The following SH3PXD2B variants were observed in gnomAD, a reference collection of about 807,000 sequenced individuals.
SH3PXD2B encodes the protein SH3 and PX domain-containing protein 2B.
A neutral mutation model predicts 73.1 loss-of-function variants in SH3PXD2B; 37 were observed. The observed-to-expected ratio is 0.51, with a 90% confidence interval of 0.39 to 0.67. SH3PXD2B has a LOEUF of 0.67. Among genes scored for constraint, SH3PXD2B ranks in the 30% least tolerant of loss-of-function variants. The pLI is 0.00. For missense variants in SH3PXD2B, 1,053 were observed against 1,197.8 expected (o/e 0.88, Z 1.78); for synonymous variants, 457 against 480.5 (o/e 0.95, Z 0.64).
intron 3 of SH3PXD2B, among the ~76,000 whole-genome samples, chr5:172,403,492 T>C (rs1320427423): frequency 7.7e-6 from 1 of 129,170 alleles, no homozygotes; most frequent in Non-Finnish European, 1.6e-5. Context: ...AGCGGGGTCC[T>C]GGGGTCCAGC....
intron 3 of SH3PXD2B, among the ~76,000 whole-genome samples, chr5:172,405,332 C>T (rs1758527096): frequency 6.6e-6 from 1 of 152,238 alleles, no homozygotes; most frequent in Admixed American, 6.5e-5. Flanking sequence ...GCCTTCCGTT[C>T]ACTTTAGAAG....
downstream of SH3PXD2B, among the ~76,000 whole-genome samples, chr5:172,331,666 A>T (rs1029413311): frequency 6.6e-6 from 1 of 152,022 alleles, no homozygotes; most frequent in African/African-American, 2.4e-5. Flanking sequence ...AAACAGTATG[A>T]CGGGGCTGGG....
chr5:172,369,226 T>A (rs953423775), intron 6 of SH3PXD2B, among the ~76,000 whole-genome samples: 2 of 150,564 alleles, frequency 1.3e-5, no homozygotes, highest in Non-Finnish European at 2.9e-5. Flanking sequence ...TTGTTTTGTT[T>A]TGTTTTGTTT....
chr5:172,362,853 T>G lies in SH3PXD2B; in HGVS notation c.444A>C (p.Ser148=). Residue 148 remains serine, a synonymous_variant, in exon 7 of 13, where the codon TCA becomes TCC. Transcript: ENST00000311601. ...GKKKSGGDQT[S]VDPMVLEQYV... is the part of the protein sequence containing the mutation. ...ACTGCTCCAGGACCATGGGGTCCAC[T>G]GAGGTTTGGTCACCCCCTGTGGATA... The G allele has an allele frequency of 6.2e-7, 1 of 1,614,174 alleles. No homozygotes were observed. Among genetic ancestry groups the G allele is most frequent in the Non-Finnish European group, 8.5e-7 (1 of 1,180,032 alleles).
In SH3PXD2B at chr5:172,414,369, T is replaced by C. The variant is rs1031729553; in HGVS notation, c.157-8017A>G. Among the ~76,000 whole-genome samples, 22 of 144,932 alleles carry C rather than the reference T, an allele frequency of 1.5e-4. No homozygotes were observed. In the East Asian group the frequency reaches 4.1e-3, roughly 27 times the overall value. On this transcript the variant is annotated intron_variant, in intron 2 of 12. Coordinates refer to ENST00000311601, the MANE Select transcript of SH3PXD2B (RefSeq NM_001017995.3). ...CTGTAATCCCAGCTACTCCGGAGGCTGAGGTGGGGGAATCGTTTGAACCCG... is the reference window on the plus strand; with the variant it reads ...CTGTAATCCCAGCTACTCCGGAGGCCGAGGTGGGGGAATCGTTTGAACCCG...
intron 2 of SH3PXD2B, among the ~76,000 whole-genome samples, chr5:172,419,890 T>C (rs1351707511): frequency 6.6e-6 from 1 of 152,238 alleles, no homozygotes; most frequent in Non-Finnish European, 1.5e-5. Flanking sequence ...AGACCCTCAC[T>C]GCACAAAAAG....
intron 1 of SH3PXD2B, among the ~76,000 whole-genome samples, chr5:172,454,036 G>A (rs1222357530): frequency 1.3e-5 from 2 of 149,904 alleles, no homozygotes; most frequent in African/African-American, 4.9e-5. Context: ...GCAGGGAGGC[G>A]AGTAGGGGGG....
chr5:172,338,467 C>A lies in SH3PXD2B; in HGVS notation c.2638G>T (p.Glu880Ter), dbSNP rs773079634. 2 of 1,614,226 alleles carry A rather than the reference C, an allele frequency of 1.2e-6. No individual in the cohort carries two copies. Among genetic ancestry groups the A allele is most frequent in the Non-Finnish European group, 1.7e-6 (2 of 1,180,040 alleles). ...AACCACCAGCCACTGCTGTTCTTCT[C>A]CCGGACTTCAAACACTGTCCCTTCC... ...FQEGTVFEVR[E>*]KNSSGWWFCQ... The change falls in exon 13 of 13, where the codon GAG becomes TAG. Residue 880 changes from glutamate (E) to a stop codon, truncating the protein, a stop_gained. Coordinates refer to ENST00000311601, the MANE Select transcript of SH3PXD2B (RefSeq NM_001017995.3). LOFTEE classifies it high-confidence loss of function. The surrounding 1 kb of genome is among the most constrained non-coding windows in gnomAD (Gnocchi z 5.1).
chr5:172,377,310 A>T (rs1278934650), intron 5 of SH3PXD2B, among the ~76,000 whole-genome samples: 1 of 152,168 alleles, frequency 6.6e-6, no homozygotes, highest in Admixed American at 6.5e-5. Flanking sequence ...GTCAAGCCCT[A>T]ACATGGGTTG....
chr5:172,453,592 A>G (rs1479269820), intron 1 of SH3PXD2B, among the ~76,000 whole-genome samples: 1 of 152,200 alleles, frequency 6.6e-6, no homozygotes, highest in East Asian at 1.9e-4. Flanking sequence ...AAACGACGCT[A>G]CTGTCCCATT....
chr5:172,357,051 C>T (rs1757293354), intron 8 of SH3PXD2B, among the ~76,000 whole-genome samples: 2 of 137,640 alleles, frequency 1.5e-5, no homozygotes, highest in East Asian at 2.2e-4. Context: ...CCCAGGAATT[C>T]AAGGCTGCAG....
In SH3PXD2B at chr5:172,338,372, C is replaced by T. The variant is rs368300585; in HGVS notation, c.2733G>A (p.Pro911=). 3.8e-5 allele frequency: 61 copies of T among 1,613,938 alleles called. No homozygotes were observed. The highest frequency in any genetic ancestry group is 3.3e-4 in the East Asian group (15 of 44,894). The change falls in exon 13 of 13, where the codon CCG becomes CCA. Residue 911 remains proline, a synonymous_variant. Coordinates refer to ENST00000311601, the MANE Select transcript of SH3PXD2B (RefSeq NM_001017995.3). This position sits in a 1 kb window ranked among gnomAD's most constrained non-coding sequence, Gnocchi z 5.1. ...WIPSNYLRKK[P] is the part of the protein sequence containing the mutation. Reference sequence around the variant, plus strand: ...CTCTAGGCAGAAAGGGAGTCGGCTACGGCTTCTTTCTGAGATAGTTGGAAG... The same window carrying T: ...CTCTAGGCAGAAAGGGAGTCGGCTATGGCTTCTTTCTGAGATAGTTGGAAG...
At chr5:172,398,718 CATTA>C (rs1459978751) in intron 3 of SH3PXD2B, among the ~76,000 whole-genome samples, 1 of 152,160 alleles carries the variant, frequency 6.6e-6, no homozygotes, top group African/African-American at 2.4e-5. Context: ...TTTTGGGTAA[CATTA>C]ATTATTTAAG....
intron 1 of SH3PXD2B, among the ~76,000 whole-genome samples, chr5:172,444,142 C>A (rs1010243837): frequency 1.3e-5 from 2 of 152,216 alleles, no homozygotes; most frequent in African/African-American, 4.8e-5. Flanking sequence ...TAATATCCCA[C>A]TCACACCTGG....
At chr5:172,439,254 A>ACC (rs1283593637) in intron 1 of SH3PXD2B, among the ~76,000 whole-genome samples, 4 of 62,970 alleles carry the variant, frequency 6.4e-5, no homozygotes, top group South Asian at 4.3e-4. Flanking sequence ...AAAAAAAGAA[A>ACC]AAAAAAAAAC....
chr5:172,333,154 C>G (rs1477600190), downstream of SH3PXD2B, among the ~76,000 whole-genome samples: 1 of 151,946 alleles, frequency 6.6e-6, no homozygotes, highest in Admixed American at 6.6e-5. Flanking sequence ...AGGCTGGTCT[C>G]GAACTCCTGA....
At chr5:172,432,038 G>A (rs897359938) in intron 1 of SH3PXD2B, among the ~76,000 whole-genome samples, 5 of 151,956 alleles carry the variant, frequency 3.3e-5, no homozygotes, top group East Asian at 1.9e-4. Flanking sequence ...TCACCCAGGC[G>A]GGTGGGCGCC....
chr5:172,453,925 TTC>T (rs1459258339), intron 1 of SH3PXD2B, among the ~76,000 whole-genome samples: 23 of 152,276 alleles, frequency 1.5e-4, no homozygotes, highest in African/African-American at 5.3e-4. Flanking sequence ...CTCTCCCGCT[TTC>T]TGTCTCAGAC....
chr5:172,350,371 G>A lies in SH3PXD2B; in HGVS notation c.1004C>T (p.Ala335Val). ...GGGCGGGTGTCACTCACTCTGCTTG[G>A]CGTCACCGTCGGGCACCGGGCGGCC... ...FEGRPVPDGDAKQRSPKMRQR... is the reference protein window; with the variant it reads ...FEGRPVPDGDVKQRSPKMRQR... The change falls in exon 10 of 13, where the codon GCC becomes GTC. Residue 335 changes from alanine (A) to valine (V), a missense_variant. Ala to Val is a moderately conservative substitution (Grantham distance 64). Coordinates refer to ENST00000311601, the MANE Select transcript of SH3PXD2B (RefSeq NM_001017995.3). 6.2e-7 allele frequency: 1 copy of A among 1,613,542 alleles called. No homozygotes were observed. The highest frequency in any genetic ancestry group is 8.5e-7 in the Non-Finnish European group (1 of 1,179,960).
Sources: gnomAD v4.1 joint callset for allele counts (sites outside exome capture counted in the v4.1 genomes callset) on GRCh38, gnomAD v4.1.1 for gene constraint, Gnocchi (gnomAD v3.1) non-coding constraint, MANE v1.5 for transcripts, NCBI Gene and HGNC (gene_info 2026-07-23, HGNC 2026-07-21) for gene names.